The following SH3GL3 variants were observed in gnomAD, a reference collection of about 807,000 sequenced individuals.
SH3GL3 encodes the protein endophilin-A3.
Under a neutral mutation model 47.7 loss-of-function variants are expected in SH3GL3, and 33 were observed. The observed-to-expected ratio is 0.69, with a 90% CI of 0.52 to 0.92. The LOEUF (loss-of-function observed/expected upper bound fraction) is 0.92, where lower values mean the gene tolerates loss of function less well. Ranked by LOEUF, SH3GL3 falls within the 40% of genes least tolerant of loss-of-function variation. The probability of loss-of-function intolerance (pLI) is 0.00; values close to 1 mark genes in which losing one functional copy is unlikely to be tolerated. For missense variants in SH3GL3, 363 were observed against 417.8 expected (o/e 0.87, Z 1.14); for synonymous variants, 155 against 148.8 (o/e 1.04, Z -0.30).
chr15:83,505,129 G>A (rs563996950), intron 1 of SH3GL3, among the ~76,000 whole-genome samples: 2 of 151,980 alleles, frequency 1.3e-5, no homozygotes, highest in Admixed American at 6.6e-5. Flanking sequence ...TCTCCTGTTC[G>A]TGGTCATCGG....
intron 6 of SH3GL3, among the ~76,000 whole-genome samples, chr15:83,584,885 G>A (rs773831594): frequency 6.6e-6 from 1 of 152,202 alleles, no homozygotes; most frequent in African/African-American, 2.4e-5. Flanking sequence ...TGGAAGAAAT[G>A]TTTTACCTTT....
At chr15:83,579,365 T>G (rs1596301251) in intron 6 of SH3GL3, among the ~76,000 whole-genome samples, 1 of 152,284 alleles carries the variant, frequency 6.6e-6, no homozygotes, top group South Asian at 2.1e-4. Context: ...GGCTGCTCCC[T>G]CAGCCTGGAT....
chr15:83,508,328 T>C (rs991162449), intron 1 of SH3GL3, among the ~76,000 whole-genome samples: 1 of 152,036 alleles, frequency 6.6e-6, no homozygotes, highest in East Asian at 1.9e-4. Flanking sequence ...ACGCCGGCTA[T>C]GTAGATATCT....
intron 1 of SH3GL3, among the ~76,000 whole-genome samples, chr15:83,497,398 C>T (rs902387089): frequency 6.6e-6 from 1 of 152,168 alleles, no homozygotes; most frequent in Non-Finnish European, 1.5e-5. Flanking sequence ...TCCACGCCCC[C>T]CTTCTCGCTA....
chr15:83,509,661 C>T (rs983035161), intron 1 of SH3GL3, among the ~76,000 whole-genome samples: 2 of 152,152 alleles, frequency 1.3e-5, no homozygotes, highest in African/African-American at 4.8e-5. Context: ...ATGATTTAAA[C>T]TTCTGGAGAA....
At chr15:83,573,866 G>A (rs543394620) in intron 5 of SH3GL3, among the ~76,000 whole-genome samples, 1 of 152,384 alleles carries the variant, frequency 6.6e-6, no homozygotes, top group African/African-American at 2.4e-5. Context: ...ATGCCCTTGT[G>A]AAGCTCACAG....
the SH3GL3 span, among the ~76,000 whole-genome samples, chr15:83,630,748 G>A: frequency 6.6e-6 from 1 of 152,112 alleles, no homozygotes; most frequent in African/African-American, 2.4e-5. Flanking sequence ...CAAGACATGT[G>A]GGCAGTATGG....
intron 1 of SH3GL3, among the ~76,000 whole-genome samples, chr15:83,541,511 T>G (rs1019251809): frequency 2.2e-4 from 34 of 151,812 alleles, no homozygotes; most frequent in Admixed American, 2.0e-3. Context: ...TTTTTTGTAT[T>G]TTTAGTAGAG....
At chr15:83,558,168 G>A (rs1350289286) in intron 1 of SH3GL3, among the ~76,000 whole-genome samples, 12 of 152,060 alleles carry the variant, frequency 7.9e-5, no homozygotes, top group Non-Finnish European at 4.4e-5. Flanking sequence ...GAAAATGATT[G>A]AACTTATTTT....
At chr15:83,539,860 G>T (rs1318377964) in intron 1 of SH3GL3, among the ~76,000 whole-genome samples, 3 of 152,010 alleles carry the variant, frequency 2.0e-5, no homozygotes, top group Non-Finnish European at 4.4e-5. Context: ...TTATTTTAAG[G>T]TCAGTGAGGA....
intron 2 of SH3GL3, among the ~76,000 whole-genome samples, chr15:83,559,625 A>G (rs138863513): frequency 1.2e-4 from 18 of 152,350 alleles, no homozygotes; most frequent in South Asian, 6.2e-4. Context: ...GGCCAAAGTA[A>G]TTGGTAGTAT....
chr15:83,485,367 G>A (rs974692379), intron 1 of SH3GL3, among the ~76,000 whole-genome samples: 5 of 152,176 alleles, frequency 3.3e-5, no homozygotes, highest in Admixed American at 2.0e-4. Flanking sequence ...ATGAAAAAGT[G>A]TTGTGTTCTT....
chr15:83,622,814 C>T (rs2060918516), downstream of SH3GL3, among the ~76,000 whole-genome samples: 1 of 152,252 alleles, frequency 6.6e-6, no homozygotes, highest in African/African-American at 2.4e-5. Context: ...TCTAGTACTC[C>T]TAATTCCGTT....
At chr15:83,566,902 G>A (rs903672186) in intron 3 of SH3GL3, among the ~76,000 whole-genome samples, 2 of 152,166 alleles carry the variant, frequency 1.3e-5, no homozygotes, top group Non-Finnish European at 2.9e-5. Flanking sequence ...AACCCAGACC[G>A]ATGGAATCAC....
intron 5 of SH3GL3, among the ~76,000 whole-genome samples, chr15:83,575,551 A>C (rs1010780768): frequency 6.6e-6 from 1 of 152,234 alleles, no homozygotes; most frequent in African/African-American, 2.4e-5. Context: ...TGTCGCTCAG[A>C]AATCAGGGGT....
At chr15:83,574,624 C>T (rs1234380164) in intron 5 of SH3GL3, among the ~76,000 whole-genome samples, 1 of 152,308 alleles carries the variant, frequency 6.6e-6, no homozygotes, top group South Asian at 2.1e-4. Context: ...GAGCTGCAAA[C>T]CTTCCTGGCT....
chr15:83,512,161 A>G (rs2151632021), intron 1 of SH3GL3, among the ~76,000 whole-genome samples: 1 of 152,078 alleles, frequency 6.6e-6, no homozygotes, highest in Non-Finnish European at 1.5e-5. Context: ...GCTTCTATCC[A>G]TTAATGGGTG....
the SH3GL3 span, among the ~76,000 whole-genome samples, chr15:83,627,028 T>G: frequency 6.6e-6 from 1 of 152,208 alleles, no homozygotes; most frequent in Admixed American, 6.5e-5. Context: ...TCCCACATAC[T>G]AATTATACTT....
chr15:83,595,786 G>T (rs1237887706), intron 8 of SH3GL3, among the ~76,000 whole-genome samples: 1 of 152,004 alleles, frequency 6.6e-6, no homozygotes, highest in African/African-American at 2.4e-5. Flanking sequence ...GCATAAAGTT[G>T]TTCATAATAT....
Sources: gnomAD v4.1 joint callset for allele counts (sites outside exome capture counted in the v4.1 genomes callset) on GRCh38, gnomAD v4.1.1 for gene constraint, MANE v1.5 for transcripts, NCBI Gene and HGNC (gene_info 2026-07-23, HGNC 2026-07-21) for gene names.